TBL1X: variants seen among roughly 807,000 people sequenced by gnomAD.
TBL1X encodes transducin beta like 1 X-linked, also known as F-box-like/WD repeat-containing protein TBL1X.
Under a neutral mutation model 50.7 loss-of-function variants are expected in TBL1X, and 10 were observed. The ratio of observed to expected loss-of-function variants is 0.20; its 90% CI spans 0.12 to 0.33. The LOEUF is 0.33. Among genes scored for constraint, TBL1X ranks in the 10% least tolerant of loss-of-function variants. The probability of loss-of-function intolerance (pLI) is 1.00; values close to 1 mark genes in which losing one functional copy is unlikely to be tolerated. For missense variants in TBL1X, 340 were observed against 504.4 expected, an observed-to-expected ratio of 0.67 and a Z score of 3.12; for synonymous variants, 190 against 214.7, an observed-to-expected ratio of 0.88 and a Z score of 1.01.
chrX:9,535,729 A>C (rs1213080263), intron 2 of TBL1X, among the ~76,000 whole-genome samples: 2 of 112,208 alleles, frequency 1.8e-5, no homozygotes, highest in Non-Finnish European at 3.8e-5. Context: ...TAAACATCCT[A>C]GTCTTTAAAG....
chrX:9,538,047 A>G (rs73487934), intron 2 of TBL1X, among the ~76,000 whole-genome samples: 3,736 of 112,098 alleles, frequency 0.033, 150 homozygotes, highest in African/African-American at 0.12. Flanking sequence ...ATGATGCTCT[A>G]TGACTGTGAC....
chrX:9,533,369 A>G (rs2082172111), intron 2 of TBL1X, among the ~76,000 whole-genome samples: 1 of 111,052 alleles, frequency 9.0e-6, no homozygotes, highest in South Asian at 3.8e-4. Context: ...CCCCCTCCCC[A>G]CTTTTTCAAA....
At position 9,654,217 on chromosome X, in the gene TBL1X, G is replaced by C; in HGVS notation, c.106G>C (p.Gly36Arg). 8.3e-7 allele frequency: 1 copy of C among 1,208,906 alleles called. No homozygotes were observed. The highest frequency in any genetic ancestry group is 1.1e-6 in the Non-Finnish European group (1 of 894,146). ...AACTCTCTTCTCTTTTTGAACAGAGGGTGGTTCCCACTTCATCAACACCTC... is the reference window on the plus strand; with the variant it reads ...AACTCTCTTCTCTTTTTGAACAGAGCGTGGTTCCCACTTCATCAACACCTC... ...HHFQRLRGRE[G>R]GSHFINTSSP... The change falls in exon 5 of 18, where the codon GGT becomes CGT. Residue 36 changes from glycine (G) to arginine (R), a missense_variant and splice_region_variant. By Grantham distance (125) the Gly-to-Arg change is moderately radical (BLOSUM62 -2). Transcript: ENST00000645353.
chrX:9,564,180 G>A (rs994595233), intron 2 of TBL1X, among the ~76,000 whole-genome samples: 13 of 112,272 alleles, frequency 1.2e-4, no homozygotes, highest in African/African-American at 4.2e-4. Flanking sequence ...AGCACTTTGG[G>A]AGTCTAAGGC....
intron 1 of TBL1X, among the ~76,000 whole-genome samples, chrX:9,492,212 G>A (rs1419683405): frequency 8.9e-6 from 1 of 111,839 alleles, no homozygotes; most frequent in Non-Finnish European, 1.9e-5. Context: ...TTAGTGGTTT[G>A]TGGGATGCAG....
intron 2 of TBL1X, among the ~76,000 whole-genome samples, chrX:9,518,682 G>A (rs2146964206): frequency 9.0e-6 from 1 of 111,214 alleles, no homozygotes; most frequent in South Asian, 3.8e-4. Flanking sequence ...AGAGGAGGCT[G>A]GGTCATCTGA....
chrX:9,511,346 T>C (rs781454328), intron 2 of TBL1X, among the ~76,000 whole-genome samples: 1 of 112,007 alleles, frequency 8.9e-6, no homozygotes, highest in East Asian at 2.8e-4. Flanking sequence ...ATGGCTTGCC[T>C]GGCTTGTGGG....
intron 1 of TBL1X, among the ~76,000 whole-genome samples, chrX:9,498,854 C>T (rs2081986143): frequency 8.9e-6 from 1 of 112,264 alleles, no homozygotes; most frequent in South Asian, 3.7e-4. Flanking sequence ...GAGCCCAAGG[C>T]AGTTGGGACA....
chrX:9,693,786 T>C (rs1338621359), intron 11 of TBL1X, among the ~76,000 whole-genome samples: 1 of 111,224 alleles, frequency 9.0e-6, no homozygotes, highest in Non-Finnish European at 1.9e-5. Flanking sequence ...GCACAGGCTG[T>C]GTGTGTTCTT....
chrX:9,653,561 G>T lies in TBL1X; in HGVS notation c.-26G>T, dbSNP rs1459364383. On this transcript the variant is annotated 5_prime_UTR_variant, in exon 4 of 18. Transcript: ENST00000645353. Reference sequence around the variant, plus strand: ...TTCCACCAGGAGCCCTGGCCTCCTTGCAGAAACATCGAGGTGACATGTAGC... The same window carrying T: ...TTCCACCAGGAGCCCTGGCCTCCTTTCAGAAACATCGAGGTGACATGTAGC... 1.7e-6 allele frequency: 2 copies of T among 1,153,884 alleles called. No individual in the cohort carries two copies. Among genetic ancestry groups the T allele is most frequent in the Middle Eastern group, 2.3e-4 (1 of 4,262 alleles).
At position 9,691,465 on chromosome X, in the gene TBL1X, C is replaced by T. The variant is rs934824716; in HGVS notation, c.617-114C>T. The stretch of plus-strand genomic sequence containing the variant: ...AAAAAAAAAAAAAAAGAAAAGGAAT[C>T]ATCAGAGGTAGTATTTAGTACATAA... On this transcript the variant is annotated intron_variant, in intron 7 of 17. Transcript: ENST00000645353. The T allele has an allele frequency of 1.9e-5, 11 of 585,627 alleles. No homozygotes were observed. The African/African-American group carries it at 2.7e-4, about 14-fold the overall frequency. The allele number at this position is 585,627 out of a possible 1,213,427, so 48.3% of individuals were successfully genotyped here. A position where few individuals can be genotyped will look rare whatever the true frequency, so the allele number is the denominator to read the frequency against.
At chrX:9,555,688 A>C in intron 2 of TBL1X, among the ~76,000 whole-genome samples, 1 of 111,830 alleles carries the variant, frequency 8.9e-6, no homozygotes. Context: ...CAGTTTCTCT[A>C]TATCCTCGCC....
chrX:9,472,290 A>G (rs1162206454), intron 1 of TBL1X, among the ~76,000 whole-genome samples: 1 of 110,149 alleles, frequency 9.1e-6, no homozygotes, highest in Admixed American at 9.7e-5. Flanking sequence ...TTATTTATGT[A>G]TTTTTAGAGA....
intron 2 of TBL1X, among the ~76,000 whole-genome samples, chrX:9,555,219 G>A (rs182594160): frequency 2.5e-4 from 28 of 110,911 alleles, no homozygotes; most frequent in African/African-American, 9.2e-4. Flanking sequence ...GGGACTACAG[G>A]CAGACAACAC....
intron 2 of TBL1X, among the ~76,000 whole-genome samples, chrX:9,580,433 G>A (rs5979124): frequency 0.013 from 1,457 of 111,890 alleles, 21 homozygotes; most frequent in African/African-American, 0.045. Context: ...ACAAATAGTT[G>A]TATTCTTACG....
chrX:9,472,231 T>C (rs750748625), intron 1 of TBL1X, among the ~76,000 whole-genome samples: 3 of 109,818 alleles, frequency 2.7e-5, no homozygotes, highest in Non-Finnish European at 5.7e-5. Flanking sequence ...AAAAGAAGCT[T>C]ATTGTACATG....
At chrX:9,483,622 C>T (rs1239469139) in intron 1 of TBL1X, among the ~76,000 whole-genome samples, 1 of 111,198 alleles carries the variant, frequency 9.0e-6, no homozygotes, top group East Asian at 2.8e-4. Context: ...CCCCTGAAGC[C>T]TGCCTGCCTC....
chrX:9,485,172 AG>A (rs1467617786), intron 1 of TBL1X, among the ~76,000 whole-genome samples: 2 of 111,631 alleles, frequency 1.8e-5, no homozygotes, highest in Non-Finnish European at 3.8e-5. Context: ...TCATTGAATT[AG>A]GGGCTGGGTT....
At chrX:9,595,878 C>T (rs1057331547) in intron 2 of TBL1X, among the ~76,000 whole-genome samples, 2 of 112,124 alleles carry the variant, frequency 1.8e-5, no homozygotes, top group African/African-American at 6.5e-5. Context: ...AAATAATATA[C>T]CATGAAATGA....
Sources: allele counts gnomAD v4.1 joint callset (sites outside exome capture counted in the v4.1 genomes callset), GRCh38; gene constraint gnomAD v4.1.1; transcripts MANE v1.5; gene names NCBI Gene and HGNC (gene_info 2026-07-23, HGNC 2026-07-21).